The following DOCK10 variants were observed in gnomAD, a reference collection of about 807,000 sequenced individuals.
The protein encoded by DOCK10 is dedicator of cytokinesis protein 10.
DOCK10 carries 145 observed loss-of-function variants against 280.1 expected under a neutral mutation model. That is an observed-to-expected ratio of 0.52 (90% CI 0.45 to 0.59). The LOEUF is 0.59. Ranked by LOEUF, DOCK10 falls within the 20% of genes least tolerant of loss-of-function variation. The pLI is 0.00. For missense variants in DOCK10, 2,368 were observed against 2,651.7 expected (o/e 0.89, Z 2.35); for synonymous variants, 915 against 942.2 (o/e 0.97, Z 0.53).
chr2:224,911,168 T>C (rs1308532137), intron 3 of DOCK10, among the ~76,000 whole-genome samples: 1 of 152,084 alleles, frequency 6.6e-6, no homozygotes, highest in Non-Finnish European at 1.5e-5. Context: ...AGTAAGACGC[T>C]GAGGTACAAG....
chr2:225,004,112 T>C (rs558738117), intron 1 of DOCK10, among the ~76,000 whole-genome samples: 1 of 152,350 alleles, frequency 6.6e-6, no homozygotes, highest in South Asian at 2.1e-4. Context: ...CCCAAAGATA[T>C]GCCCATATCC....
At chr2:224,924,223 A>C (rs191908103) in intron 2 of DOCK10, among the ~76,000 whole-genome samples, 3 of 152,326 alleles carry the variant, frequency 2.0e-5, no homozygotes, top group Admixed American at 2.0e-4. Context: ...CTGTCATAAA[A>C]TTTATCCTTT....
At chr2:224,875,921 C>A in intron 8 of DOCK10, 117 bp downstream of exon 8, 1 of 984,184 alleles carries the variant, frequency 1.0e-6, no homozygotes, top group Non-Finnish European at 1.5e-6. Context: ...TTGGAACAAA[C>A]AGCCCCAGGA....
chr2:224,800,259 G>C lies in DOCK10; in HGVS notation c.4398C>G (p.Asn1466Lys). The C allele has an allele frequency of 1.2e-6, 2 of 1,601,716 alleles. No individual in the cohort carries two copies. Among genetic ancestry groups the C allele is most frequent in the South Asian group, 2.2e-5 (2 of 89,896 alleles). Residue 1466 changes from asparagine to lysine, a missense_variant, in exon 41 of 56, where the codon AAC becomes AAG. This residue lies in a region of DOCK10 where 1,159 missense variants were observed against 1,400.8 expected (regional missense o/e 0.83). Transcript: ENST00000258390. ...LQMLDNTMTSNSNEIDIVHHV... is the reference protein window; with the variant it reads ...LQMLDNTMTSKSNEIDIVHHV... ...GATGCACGATGTCTATTTCATTGGAGTTGCCTATAAAATACAAAATAAAAC... is the reference window on the plus strand; with the variant it reads ...GATGCACGATGTCTATTTCATTGGACTTGCCTATAAAATACAAAATAAAAC...
At chr2:224,877,510 A>AATAGGTT (rs1388208148) in intron 7 of DOCK10, among the ~76,000 whole-genome samples, 138 of 151,738 alleles carry the variant, frequency 9.1e-4, no homozygotes, top group South Asian at 3.3e-3. Flanking sequence ...TTCCAAGTTG[A>AATAGGTT]CATTCTAGTA....
intron 3 of DOCK10, among the ~76,000 whole-genome samples, 189 bp downstream of exon 3, chr2:224,916,506 A>G (rs1190074607): frequency 1.4e-5 from 2 of 145,172 alleles, no homozygotes; most frequent in African/African-American, 5.2e-5. Flanking sequence ...GTGCCACCAC[A>G]CTCCAGCCTG....
intron 1 of DOCK10, among the ~76,000 whole-genome samples, chr2:225,000,858 C>T (rs962733052): frequency 6.6e-6 from 1 of 152,192 alleles, no homozygotes; most frequent in African/African-American, 2.4e-5. Flanking sequence ...CGCCTGTAAT[C>T]CCAGCTACTC....
chr2:224,885,920 G>T, intron 6 of DOCK10, 115 bp from the exon 7 acceptor site: 1 of 1,501,592 alleles, frequency 6.7e-7, no homozygotes, highest in Non-Finnish European at 8.9e-7. Flanking sequence ...CATTTTTCTA[G>T]AGAAGAGCAT....
Position 224,804,152 on chromosome 2 carries a change from A to G in DOCK10, c.4228T>C (p.Ser1410Pro). Reference protein sequence around the residue: ...STQNNGTLKGSNPSCQTSGLL... With the variant: ...STQNNGTLKGPNPSCQTSGLL... ...CCTGATGTCTGGCAGGAAGGATTGG[A>G]TCCTTTGAGAGTTCCATTGTTCTGG... Residue 1410 changes from serine (S) to proline (P), a missense_variant, in exon 39 of 56, where the codon TCC (serine) becomes CCC (proline). Ser to Pro is a moderately conservative substitution (Grantham distance 74, BLOSUM62 -1). Transcript: ENST00000258390. The G allele has an allele frequency of 6.2e-7, 1 of 1,612,136 alleles. No homozygotes were observed. Among genetic ancestry groups the G allele is most frequent in the Non-Finnish European group, 8.5e-7 (1 of 1,178,708 alleles).
At chr2:224,918,303 AGTGTGTGGGAGCATATATGAGT>A (rs1234062216) in intron 2 of DOCK10, among the ~76,000 whole-genome samples, 1 of 151,320 alleles carries the variant, frequency 6.6e-6, no homozygotes, top group African/African-American at 2.4e-5. Flanking sequence ...AGAGGATGAG[AGTGTGTGGGAGCATATATGAGT>A]GTGTGTGGGG....
chr2:224,862,621 A>G, intron 14 of DOCK10, 43 bp downstream of exon 14: 1 of 1,516,138 alleles, frequency 6.6e-7, no homozygotes, highest in Non-Finnish European at 9.2e-7. Context: ...CAATGCCACC[A>G]TTAAATGTAT....
At chr2:224,912,941 G>A (rs554169247) in intron 3 of DOCK10, among the ~76,000 whole-genome samples, 3 of 152,222 alleles carry the variant, frequency 2.0e-5, no homozygotes, top group South Asian at 4.1e-4. Flanking sequence ...CAGGAAAATC[G>A]CTTGAGCCCA....
rs944399499 is a variant in DOCK10, at chr2:224,933,808, G to A, written c.124-2140C>T. ...TTTTAGTGTATATTGTAATTTATAG[G>A]TTTAAAGGCAAATGACATATGGATG... On this transcript the variant is annotated intron_variant, in intron 1 of 55. Transcript: ENST00000258390. 3.3e-5 allele frequency among the ~76,000 whole-genome samples: 5 copies of A among 152,262 alleles called. No homozygotes were observed. The East Asian group carries it at 7.7e-4, about 23-fold the overall frequency.
At chr2:224,853,275 G>A (rs1696878534) in intron 16 of DOCK10, among the ~76,000 whole-genome samples, 153 bp from the exon 17 acceptor site, 1 of 152,184 alleles carries the variant, frequency 6.6e-6, no homozygotes, top group Admixed American at 6.5e-5. Context: ...AAAATTTGTA[G>A]GAGGTGGGCA....
chr2:224,804,773 A>C, intron 38 of DOCK10, 21 bp downstream of exon 38: 1 of 1,443,136 alleles, frequency 6.9e-7, no homozygotes, highest in Non-Finnish European at 9.3e-7. Flanking sequence ...AGATTAACCT[A>C]TTGGAATTTA....
Position 224,886,145 on chromosome 2 carries a change from G to A in DOCK10, c.530C>T (p.Ala177Val), listed in dbSNP as rs543741097. The A allele has an allele frequency of 3.0e-5, 48 of 1,613,692 alleles. No individual in the cohort carries two copies. The South Asian group carries it at 3.4e-4, about 11-fold the overall frequency. ...SHSSSKGGGG[A>V]GGTGVFKSGW... The stretch of plus-strand genomic sequence containing the variant: ...GGACTTGAAAACACCAGTTCCTCCC[G>A]CTCCTCCACCCCCCTTGGAAGACGA... Residue 177 changes from alanine (A) to valine (V), a missense_variant, in exon 6 of 56, where the codon GCG (alanine) becomes GTG (valine). Coordinates refer to ENST00000258390, the MANE Select transcript of DOCK10 (RefSeq NM_014689.3).
intron 2 of DOCK10, among the ~76,000 whole-genome samples, chr2:224,924,220 A>G (rs578062850): frequency 6.6e-6 from 1 of 152,334 alleles, no homozygotes; most frequent in South Asian, 2.1e-4. Context: ...GATCTGTCAT[A>G]AAATTTATCC....
At chr2:224,868,847 A>G (rs1698089201) in intron 11 of DOCK10, among the ~76,000 whole-genome samples, 1 of 152,200 alleles carries the variant, frequency 6.6e-6, no homozygotes, top group Non-Finnish European at 1.5e-5. Context: ...AAAATTACAG[A>G]AAAACAACTA....
At chr2:224,780,759 G>T (rs1691271006) in intron 50 of DOCK10, among the ~76,000 whole-genome samples, 1 of 152,016 alleles carries the variant, frequency 6.6e-6, no homozygotes, top group Non-Finnish European at 1.5e-5. Flanking sequence ...AATTAGCTGG[G>T]CATGGTGACA....
Sources: gnomAD v4.1 joint callset for allele counts (sites outside exome capture counted in the v4.1 genomes callset) on GRCh38, gnomAD v4.1.1 for gene constraint, gnomAD v4.1.1 regional missense constraint, MANE v1.5 for transcripts, NCBI Gene and HGNC (gene_info 2026-07-23, HGNC 2026-07-21) for gene names.